Variants in MEI4 observed in about 807,000 individuals in gnomAD.
MEI4 encodes the protein meiotic double-stranded break formation protein 4, also known as meiosis-specific protein MEI4.
In MEI4, 27 loss-of-function variants were observed where a neutral mutation model predicts 31.4. That is an observed-to-expected ratio of 0.86 (90% CI 0.63 to 1.19). The LOEUF (loss-of-function observed/expected upper bound fraction) is 1.19. MEI4 is among the 50% of genes most tolerant of loss of function. MEI4 has a pLI of 0.00. For synonymous variants in MEI4, 122 were observed against 145.4 expected (o/e 0.84, Z 1.16); for missense variants, 329 against 398.9 (o/e 0.82, Z 1.49).
intron 3 of MEI4, among the ~76,000 whole-genome samples, chr6:77,827,127 A>G (rs544499748): frequency 3.8e-4 from 57 of 151,952 alleles, no homozygotes; most frequent in African/African-American, 9.4e-4. Flanking sequence ...TTGGGAGGCC[A>G]AGGCGGGCAG....
intron 2 of MEI4, among the ~76,000 whole-genome samples, chr6:77,737,661 C>G (rs988685805): frequency 6.6e-6 from 1 of 151,922 alleles, no homozygotes; most frequent in Non-Finnish European, 1.5e-5. Flanking sequence ...AGCCTTGAGA[C>G]TATTGGGAGT....
chr6:77,773,293 G>A (rs1768361289), intron 3 of MEI4, among the ~76,000 whole-genome samples: 1 of 151,898 alleles, frequency 6.6e-6, no homozygotes, highest in African/African-American at 2.4e-5. Context: ...ATACTGGAGA[G>A]CTGTAGTCAT....
chr6:77,690,790 T>C lies in MEI4; in HGVS notation c.119T>C (p.Leu40Pro). The C allele has an allele frequency of 1.6e-6, 2 of 1,231,742 alleles. No homozygotes were observed. Among genetic ancestry groups the C allele is most frequent in the Non-Finnish European group, 2.0e-6 (2 of 987,458 alleles). 76.3% of individuals were successfully genotyped at this position (1,231,742 alleles called of 1,614,324 possible). The change falls in exon 2 of 5, where the codon CTG becomes CCG. Residue 40 changes from leucine (L) to proline (P), a missense_variant. Coordinates refer to ENST00000684080, the MANE Select transcript of MEI4 (RefSeq NM_001322247.2). ...REYTEHLAML[L>P]SEEQSKWRSK... ...TACACAGAGCACCTTGCTATGTTGCTGTCTGAGGAGCAGTCAAAATGGAGA... is the reference window on the plus strand; with the variant it reads ...TACACAGAGCACCTTGCTATGTTGCCGTCTGAGGAGCAGTCAAAATGGAGA...
At chr6:77,862,217 G>A (rs1770885031) in intron 4 of MEI4, among the ~76,000 whole-genome samples, 1 of 152,142 alleles carries the variant, frequency 6.6e-6, no homozygotes. Context: ...TCAGAAAGTG[G>A]GTGCAGGGTG....
In MEI4 at chr6:77,820,895, A is replaced by G. The variant is rs1375947999; in HGVS notation, c.769-8036A>G. Among the ~76,000 whole-genome samples, 1 of 151,718 alleles carries G rather than the reference A, an allele frequency of 6.6e-6. No individual in the cohort carries two copies. The highest frequency in any genetic ancestry group is 6.6e-5 in the Admixed American group (1 of 15,228). ...TTTCCCATGTCGTTTCTTCTCCAGT[A>G]GTCTCTCTTAGTTTTTTTCTTTTTC... On this transcript the variant is annotated intron_variant, in intron 3 of 4. Coordinates refer to ENST00000684080, the MANE Select transcript of MEI4 (RefSeq NM_001322247.2). This position sits in a 1 kb window ranked among gnomAD's most constrained non-coding sequence, Gnocchi z 4.5.
intron 2 of MEI4, among the ~76,000 whole-genome samples, chr6:77,737,105 C>G (rs368565800): frequency 6.6e-6 from 1 of 152,134 alleles, no homozygotes; most frequent in Admixed American, 6.6e-5. Context: ...ATGCTGCATT[C>G]TGTAGGCAGT....
At chr6:77,764,458 T>G (rs112956550) in intron 3 of MEI4, among the ~76,000 whole-genome samples, 2,187 of 152,316 alleles carry the variant, frequency 0.014, 55 homozygotes, top group African/African-American at 0.05. Context: ...TTTGCTCCAG[T>G]CTTTATTATT....
In MEI4 at chr6:77,695,209, A is replaced by G. The variant is rs1394643706; in HGVS notation, c.232+4306A>G. 9.9e-5 allele frequency among the ~76,000 whole-genome samples: 15 copies of G among 152,080 alleles called. No homozygotes were observed. The South Asian group carries it at 1.2e-3, about 13-fold the overall frequency. On this transcript the variant is annotated intron_variant, in intron 2 of 4. Coordinates refer to ENST00000684080, the MANE Select transcript of MEI4 (RefSeq NM_001322247.2). ...TTGCAAAAATTTTCTCCCATTTTGT[A>G]GGTTGCCTGTTCACTCTGATGGTAG...
chr6:77,669,076 C>T (rs1344798800), intron 1 of MEI4, among the ~76,000 whole-genome samples: 1 of 152,110 alleles, frequency 6.6e-6, no homozygotes, highest in African/African-American at 2.4e-5. Context: ...TTTATTTATC[C>T]TTCATTTTCT....
chr6:77,874,524 C>G (rs1431920581), intron 4 of MEI4, among the ~76,000 whole-genome samples: 1 of 152,146 alleles, frequency 6.6e-6, no homozygotes, highest in Non-Finnish European at 1.5e-5. Flanking sequence ...ATGGGGTTTT[C>G]TAGATATACA....
At chr6:77,677,879 A>G (rs939063366) in intron 1 of MEI4, among the ~76,000 whole-genome samples, 2 of 152,104 alleles carry the variant, frequency 1.3e-5, no homozygotes, top group Non-Finnish European at 2.9e-5. Context: ...ATTTTCTTTT[A>G]TTTTCTGTAT....
intron 4 of MEI4, among the ~76,000 whole-genome samples, chr6:77,904,793 T>C (rs190644801): frequency 6.0e-5 from 9 of 149,454 alleles, no homozygotes. Context: ...TCTGCACTTC[T>C]ACTATCTCCC....
At chr6:77,794,751 CCAAA>C (rs1419062051) in intron 3 of MEI4, among the ~76,000 whole-genome samples, 7 of 151,854 alleles carry the variant, frequency 4.6e-5, no homozygotes, top group African/African-American at 1.7e-4. Flanking sequence ...TTCAAATGGC[CCAAA>C]CAGACATATT....
intron 3 of MEI4, among the ~76,000 whole-genome samples, chr6:77,818,456 A>G (rs879294568): frequency 6.6e-6 from 1 of 152,172 alleles, no homozygotes; most frequent in Non-Finnish European, 1.5e-5. Context: ...GTAGAAGTCT[A>G]AAATTAAATT....
intron 4 of MEI4, among the ~76,000 whole-genome samples, chr6:77,916,632 A>G (rs1766555556): frequency 1.3e-5 from 2 of 152,040 alleles, no homozygotes; most frequent in African/African-American, 4.8e-5. Context: ...TGTTTATAGC[A>G]TCTTAACCAA....
intron 3 of MEI4, among the ~76,000 whole-genome samples, chr6:77,823,876 G>C (rs963906942): frequency 1.3e-5 from 2 of 148,962 alleles, no homozygotes; most frequent in Admixed American, 1.3e-4. Context: ...TTATCCTACT[G>C]TCCAGCTTGC....
intron 3 of MEI4, among the ~76,000 whole-genome samples, chr6:77,798,188 TA>T (rs1490711567): frequency 6.6e-6 from 1 of 151,446 alleles, no homozygotes; most frequent in Admixed American, 6.6e-5. Flanking sequence ...AATCAACAGG[TA>T]AATATAAAAT....
intron 2 of MEI4, among the ~76,000 whole-genome samples, chr6:77,737,930 C>A (rs1250878171): frequency 6.6e-6 from 1 of 152,114 alleles, no homozygotes; most frequent in African/African-American, 2.4e-5. Context: ...CTTCTGAAGT[C>A]AAGTCATATT....
At chr6:77,741,847 C>T (rs1334686034) in intron 2 of MEI4, among the ~76,000 whole-genome samples, 2 of 145,676 alleles carry the variant, frequency 1.4e-5, no homozygotes, top group Admixed American at 1.4e-4. Context: ...TCAATTCCCA[C>T]CTATGAGTGA....
Sources: gnomAD v4.1 joint callset for allele counts (sites outside exome capture counted in the v4.1 genomes callset) on GRCh38, gnomAD v4.1.1 for gene constraint, Gnocchi (gnomAD v3.1) non-coding constraint, MANE v1.5 for transcripts, NCBI Gene and HGNC (gene_info 2026-07-23, HGNC 2026-07-21) for gene names.